Variants in CREBL2 observed in about 807,000 individuals in gnomAD.
CREBL2 encodes the protein cAMP responsive element binding protein like 2.
A neutral mutation model predicts 19.5 loss-of-function variants in CREBL2; 4 were observed. The observed-to-expected ratio is 0.20, with a 90% CI of 0.10 to 0.47. The LOEUF (loss-of-function observed/expected upper bound fraction) is 0.47. Ranked by LOEUF, CREBL2 falls within the 20% of genes least tolerant of loss-of-function variation. The pLI is 0.98. For missense variants in CREBL2, 85 were observed against 145.1 expected, an observed-to-expected ratio of 0.59 and a Z score of 2.13; for synonymous variants, 42 against 46.6, an observed-to-expected ratio of 0.90 and a Z score of 0.40.
At chr12:12,630,390 AT>A (rs1294243031) in intron 1 of CREBL2, among the ~76,000 whole-genome samples, 1 of 151,202 alleles carries the variant, frequency 6.6e-6, no homozygotes, top group Non-Finnish European at 1.5e-5. Flanking sequence ...TTGGCATGCA[AT>A]TTTTCCTAGT....
At position 12,642,255 on chromosome 12, in the gene CREBL2, T is replaced by C. The variant is rs1460669472; in HGVS notation, c.*257T>C. 4 of 342,850 alleles carry C rather than the reference T, an allele frequency of 1.2e-5. No individual in the cohort carries two copies. The highest frequency in any genetic ancestry group is 2.1e-5 in the Non-Finnish European group (4 of 189,116). 21.2% of individuals were successfully genotyped at this position (342,850 alleles called of 1,614,324 possible). ...ACCCATGACATTTAACATGTTGTGA[T>C]GCTTGAAAACACAGGAGTAGAGAAA... On this transcript the variant is annotated 3_prime_UTR_variant, in exon 4 of 4. Transcript: ENST00000228865.
intron 1 of CREBL2, among the ~76,000 whole-genome samples, chr12:12,618,050 G>A (rs1037786251): frequency 2.0e-5 from 3 of 151,958 alleles, no homozygotes; most frequent in African/African-American, 7.2e-5. Context: ...ACAAAATGGA[G>A]TCTCCTATGT....
At chr12:12,639,949 A>C (rs1945505174) in intron 3 of CREBL2, among the ~76,000 whole-genome samples, 1 of 152,292 alleles carries the variant, frequency 6.6e-6, no homozygotes. Flanking sequence ...GGGTCTAACA[A>C]AGATCACGTG....
intron 1 of CREBL2, among the ~76,000 whole-genome samples, chr12:12,624,059 C>G (rs1474212033): frequency 6.6e-6 from 1 of 152,092 alleles, no homozygotes; most frequent in East Asian, 1.9e-4. Flanking sequence ...ACTTCCAGAG[C>G]CAGAGAATAA....
At chr12:12,625,399 G>C (rs1945394205) in intron 1 of CREBL2, among the ~76,000 whole-genome samples, 1 of 152,190 alleles carries the variant, frequency 6.6e-6, no homozygotes, top group South Asian at 2.1e-4. Context: ...ACATGAAAAA[G>C]TTTGTTAGTT....
intron 1 of CREBL2, among the ~76,000 whole-genome samples, chr12:12,628,561 C>A (rs1010541414): frequency 6.6e-6 from 1 of 152,148 alleles, no homozygotes; most frequent in African/African-American, 2.4e-5. Flanking sequence ...AGTAAATCCT[C>A]TGTTTTCCTC....
At chr12:12,634,282 A>C (rs1159892134) in intron 1 of CREBL2, among the ~76,000 whole-genome samples, 1 of 152,226 alleles carries the variant, frequency 6.6e-6, no homozygotes, top group East Asian at 1.9e-4. Context: ...ATCTTGCATA[A>C]AAACTTGGGA....
intron 1 of CREBL2, among the ~76,000 whole-genome samples, chr12:12,627,230 C>CT (rs941714928): frequency 2.0e-5 from 3 of 152,072 alleles, no homozygotes; most frequent in African/African-American, 7.2e-5. Context: ...AAATGTACCA[C>CT]ACTAATGAAA....
At position 12,612,023 on chromosome 12, in the gene CREBL2, C is replaced by T; in HGVS notation, c.-150C>T. 1.1e-6 allele frequency: 1 copy of T among 932,690 alleles called. No homozygotes were observed. Among genetic ancestry groups the T allele is most frequent in the South Asian group, 1.5e-5 (1 of 67,208 alleles). The allele number at this position is 932,690 out of a possible 1,614,324, so 57.8% of individuals were successfully genotyped here. ...GAACTGGTCCCTCGTCCCCGTGACT[C>T]TGGCATCAGGGAAGCGAACTGTTAG... On this transcript the variant is annotated 5_prime_UTR_variant, in exon 1 of 4. Coordinates refer to ENST00000228865, the MANE Select transcript of CREBL2 (RefSeq NM_001310.4).
At chr12:12,627,664 T>G (rs536613159) in intron 1 of CREBL2, among the ~76,000 whole-genome samples, 3 of 152,374 alleles carry the variant, frequency 2.0e-5, no homozygotes, top group Non-Finnish European at 4.4e-5. Context: ...TTAGGTATCA[T>G]GAGTAATGGT....
rs146363213 is a variant in CREBL2, at chr12:12,639,685, A to C, written c.358+1971A>C. ...GTTCTATTGGGGGAACCTGCCCCCAATATTTCAATGTAGGTTCTTTCTATT... is the reference window on the plus strand; with the variant it reads ...GTTCTATTGGGGGAACCTGCCCCCACTATTTCAATGTAGGTTCTTTCTATT... On this transcript the variant is annotated intron_variant, in intron 3 of 3. Transcript: ENST00000228865. 3.2e-3 allele frequency among the ~76,000 whole-genome samples: 486 copies of C among 152,276 alleles called. 2 individuals are homozygous for C. The highest frequency in any genetic ancestry group is 0.011 in the African/African-American group (464 of 41,546).
chr12:12,628,643 C>G lies in CREBL2; in HGVS notation c.16-7134C>G, dbSNP rs139085208. ...TTTTTAAATTTGAGACAGGGTCTCA[C>G]TCTGTCATCTAGGCCGGACTGCAGT... On this transcript the variant is annotated intron_variant, in intron 1 of 3. Coordinates refer to ENST00000228865, the MANE Select transcript of CREBL2 (RefSeq NM_001310.4). Among the ~76,000 whole-genome samples the G allele has an allele frequency of 8.5e-3, 1,293 of 152,188 alleles. 13 individuals are homozygous for G. Among genetic ancestry groups the G allele is most frequent in the African/African-American group, 0.029 (1,222 of 41,522 alleles).
At chr12:12,628,202 A>C (rs1699194688) in intron 1 of CREBL2, among the ~76,000 whole-genome samples, 1 of 152,052 alleles carries the variant, frequency 6.6e-6, no homozygotes, top group Admixed American at 6.6e-5. Context: ...TGATTATGTA[A>C]ACATCCTAGT....
intron 1 of CREBL2, among the ~76,000 whole-genome samples, chr12:12,621,623 GGT>G (rs1421787560): frequency 6.6e-6 from 1 of 152,036 alleles, no homozygotes; most frequent in Admixed American, 6.6e-5. Context: ...CAGAAGTAGA[GGT>G]GTGGTCAGAG....
intron 1 of CREBL2, among the ~76,000 whole-genome samples, chr12:12,619,021 A>G (rs890370450): frequency 1.3e-5 from 2 of 151,898 alleles, no homozygotes; most frequent in African/African-American, 4.8e-5. Flanking sequence ...CATCAGAGGG[A>G]GACCGTGGAA....
At chr12:12,617,556 C>T (rs1945319725) in intron 1 of CREBL2, among the ~76,000 whole-genome samples, 1 of 143,974 alleles carries the variant, frequency 6.9e-6, no homozygotes, top group South Asian at 2.3e-4. Context: ...GCTCTCAAAA[C>T]ACGTTATCAT....
intron 2 of CREBL2, among the ~76,000 whole-genome samples, chr12:12,636,873 A>G (rs1945479298): frequency 6.6e-6 from 1 of 152,268 alleles, no homozygotes; most frequent in African/African-American, 2.4e-5. Flanking sequence ...AGATGATATT[A>G]CTGTGATCAT....
At chr12:12,612,285 G>A (rs1945273754) in intron 1 of CREBL2, 98 bp downstream of exon 1, 2 of 1,600,068 alleles carry the variant, frequency 1.2e-6, no homozygotes, top group Admixed American at 3.4e-5. Flanking sequence ...ACACCCAAGA[G>A]ACACCTGCCT....
chr12:12,630,036 TA>T (rs1945432009), intron 1 of CREBL2, among the ~76,000 whole-genome samples: 1 of 152,172 alleles, frequency 6.6e-6, no homozygotes, highest in Admixed American at 6.5e-5. Context: ...TTTTTGCATA[TA>T]AATTCACAAG....
Sources: allele counts gnomAD v4.1 joint callset (sites outside exome capture counted in the v4.1 genomes callset), GRCh38; gene constraint gnomAD v4.1.1; transcripts MANE v1.5; gene names NCBI Gene and HGNC (gene_info 2026-07-23, HGNC 2026-07-21).